The following VWA5B1 variants were observed in gnomAD, a reference collection of about 807,000 sequenced individuals.
VWA5B1 encodes von Willebrand factor A domain containing 5B1.
VWA5B1 carries 115 observed loss-of-function variants against 118.2 expected under a neutral mutation model. The ratio of observed to expected loss-of-function variants is 0.97; its 90% confidence interval spans 0.84 to 1.14. The LOEUF (loss-of-function observed/expected upper bound fraction) is 1.14. VWA5B1 is among the 50% of genes most tolerant of loss of function. The pLI, the probability that VWA5B1 is intolerant of heterozygous loss-of-function variation, is 0.00. For synonymous variants in VWA5B1, 682 were observed against 658.4 expected, an observed-to-expected ratio of 1.04 and a Z score of -0.55; for missense variants, 1,596 against 1,603.8, an observed-to-expected ratio of 1.00 and a Z score of 0.08.
chr1:20,305,261 A>T (rs2088615145), intron 1 of VWA5B1, among the ~76,000 whole-genome samples: 1 of 152,206 alleles, frequency 6.6e-6, no homozygotes. Flanking sequence ...GTGAAGTTCA[A>T]GGCATGGGAG....
At chr1:20,318,268 G>A (rs2089087435) in intron 5 of VWA5B1, among the ~76,000 whole-genome samples, 1 of 151,632 alleles carries the variant, frequency 6.6e-6, no homozygotes, top group Admixed American at 6.6e-5. Context: ...CGTCAAAAAA[G>A]CACCCTCCGA....
chr1:20,342,580 C>A lies in VWA5B1; in HGVS notation c.2282C>A (p.Thr761Asn), dbSNP rs1344221118. Residue 761 changes from threonine to asparagine, a missense_variant, in exon 15 of 22, where the codon ACT becomes AAT. Coordinates refer to ENST00000289815, the MANE Select transcript of VWA5B1 (RefSeq NM_001039500.3). ...TQAWSPVRER[T>N]SDSRSPGDLE... ...GCCTGGAGCCCTGTGAGAGAGCGGA[C>A]TTCTGACAGCCGAAGCCCTGGAGAT... The A allele has an allele frequency of 6.6e-7, 1 of 1,508,724 alleles. No homozygotes were observed. 93.5% of individuals were successfully genotyped at this position (1,508,724 alleles called of 1,614,324 possible).
chr1:20,342,129 C>CAAAAA (rs60635945), intron 14 of VWA5B1, among the ~76,000 whole-genome samples: 3 of 139,184 alleles, frequency 2.2e-5, no homozygotes, highest in South Asian at 2.3e-4. Context: ...AACTTTATGG[C>CAAAAA]AAAAAAAAAA....
intron 1 of VWA5B1, among the ~76,000 whole-genome samples, chr1:20,306,139 G>A (rs925973094): frequency 6.6e-6 from 1 of 152,096 alleles, no homozygotes; most frequent in African/African-American, 2.4e-5. Context: ...ACTCCAAACA[G>A]AGCAGGATGA....
chr1:20,302,517 G>A, intron 1 of VWA5B1, among the ~76,000 whole-genome samples: 1 of 152,364 alleles, frequency 6.6e-6, no homozygotes, highest in Middle Eastern at 3.4e-3. Flanking sequence ...GGGGCTAACT[G>A]CTCCTGGTTG....
intron 1 of VWA5B1, among the ~76,000 whole-genome samples, chr1:20,309,498 A>G (rs150514785): frequency 3.5e-4 from 53 of 152,300 alleles, no homozygotes; most frequent in African/African-American, 1.3e-3. Flanking sequence ...ACAGGGATGG[A>G]AGGAACAGGA....
intron 1 of VWA5B1, among the ~76,000 whole-genome samples, chr1:20,294,835 C>T (rs1042873317): frequency 7.9e-5 from 12 of 152,080 alleles, no homozygotes; most frequent in South Asian, 2.1e-4. Context: ...GTGATCTGCC[C>T]GCCTCAGCCT....
chr1:20,314,798 A>G (rs138368764), intron 4 of VWA5B1, among the ~76,000 whole-genome samples: 16 of 151,166 alleles, frequency 1.1e-4, no homozygotes, highest in African/African-American at 3.6e-4. Context: ...CTGTAATGGT[A>G]CTGGCCAGAA....
chr1:20,343,488 T>C, intron 16 of VWA5B1, 95 bp downstream of exon 16: 1 of 1,383,234 alleles, frequency 7.2e-7, no homozygotes, highest in Non-Finnish European at 9.3e-7. Context: ...CCCCCGGTGA[T>C]CCTCTCAGCC....
intron 21 of VWA5B1, among the ~76,000 whole-genome samples, chr1:20,353,186 G>A (rs753810031): frequency 1.3e-5 from 2 of 152,186 alleles, no homozygotes; most frequent in Admixed American, 1.3e-4. Flanking sequence ...GTTGGAGAGG[G>A]TAAGAGTCAA....
chr1:20,351,966 T>A (rs995064570), intron 20 of VWA5B1, 89 bp from the exon 21 acceptor site: 3 of 975,484 alleles, frequency 3.1e-6, no homozygotes, highest in Non-Finnish European at 4.6e-6. Context: ...GAGCCATCTA[T>A]TGCATTCCTT....
In VWA5B1 at chr1:20,310,626, A is replaced by G. The variant is rs1460818376; in HGVS notation, c.25A>G (p.Thr9Ala). Reference sequence around the variant, plus strand: ...GATGCCCGGCTTGCTGAATTGGATCACGGGGGCAGCCCTGCCCCTCACCGC... The same window carrying G: ...GATGCCCGGCTTGCTGAATTGGATCGCGGGGGCAGCCCTGCCCCTCACCGC... Reference protein sequence around the residue: MPGLLNWITGAALPLTASD... With the variant: MPGLLNWIAGAALPLTASD... Residue 9 changes from threonine to alanine, a missense_variant, in exon 2 of 22, where the codon ACG becomes GCG. Coordinates refer to ENST00000289815, the MANE Select transcript of VWA5B1 (RefSeq NM_001039500.3). 1.3e-6 allele frequency: 2 copies of G among 1,545,654 alleles called. No individual in the cohort carries two copies. Among genetic ancestry groups the G allele is most frequent in the East Asian group, 2.5e-5 (1 of 40,506 alleles).
At chr1:20,332,648 C>T (rs868492694) in intron 11 of VWA5B1, 118 bp from the exon 12 acceptor site, 1 of 1,106,718 alleles carries the variant, frequency 9.0e-7, no homozygotes, top group Middle Eastern at 2.0e-4. Context: ...CAAGTCACCA[C>T]AAGGCCTACT....
At position 20,354,014 on chromosome 1, in the gene VWA5B1, G is replaced by A. The variant is rs1557457016; in HGVS notation, c.3399G>A (p.Val1133=). 5 of 1,551,730 alleles carry A rather than the reference G, an allele frequency of 3.2e-6. No homozygotes were observed. The highest frequency in any genetic ancestry group is 4.4e-6 in the Non-Finnish European group (5 of 1,147,014). ...GKLGLEPRAV[V]EHTGKLWATV... ...TGGGCCTGGAGCCGAGGGCAGTGGT[G>A]GAGCACACTGGGAAGCTGTGGGCCA... is the stretch of plus-strand genomic sequence containing the variant. The change falls in exon 22 of 22, where the codon GTG becomes GTA. Residue 1133 remains valine (V), a synonymous_variant. Transcript: ENST00000289815.
At chr1:20,323,681 C>A in intron 8 of VWA5B1, 149 bp downstream of exon 8, 1 of 870,032 alleles carries the variant, frequency 1.1e-6, no homozygotes, top group Non-Finnish European at 1.6e-6. Context: ...CCATTTGCAT[C>A]CCCATAAAAA....
At chr1:20,291,542 T>C (rs1244134722) in intron 1 of VWA5B1, among the ~76,000 whole-genome samples, 1 of 151,860 alleles carries the variant, frequency 6.6e-6, no homozygotes, top group East Asian at 1.9e-4. Flanking sequence ...GCCTCCTTCC[T>C]CCCTCTCTCA....
intron 2 of VWA5B1, among the ~76,000 whole-genome samples, chr1:20,311,006 T>C (rs1328605496): frequency 6.6e-6 from 1 of 152,140 alleles, no homozygotes; most frequent in Non-Finnish European, 1.5e-5. Context: ...AGAGTCTCAT[T>C]CTGTCGCCCA....
At position 20,330,239 on chromosome 1, in the gene VWA5B1, C is replaced by G; in HGVS notation, c.1314C>G (p.Thr438=). The stretch of plus-strand genomic sequence containing the variant: ...GAATGAAGGCCGACATGGGTGGGAC[C>G]AACATCCTTTCCCCTCTCAAGTGGG... ...IQRMKADMGG[T]NILSPLKWVI... The change falls in exon 10 of 22, where the codon ACC becomes ACG. Residue 438 remains threonine (T), a synonymous_variant. Transcript: ENST00000289815. The G allele has an allele frequency of 6.4e-7, 1 of 1,551,738 alleles. No individual in the cohort carries two copies. Among genetic ancestry groups the G allele is most frequent in the Non-Finnish European group, 8.7e-7 (1 of 1,147,018 alleles).
rs2089990904 is a variant in VWA5B1, at chr1:20,345,597, A to G, written c.2764+4A>G. On this transcript the variant is annotated splice_donor_region_variant and intron_variant, in intron 17 of 21. Coordinates refer to ENST00000289815, the MANE Select transcript of VWA5B1 (RefSeq NM_001039500.3). ...GTGGTGGAGTACCCCAACTCTGGTA[A>G]GGCAGGCGAGCGGCCGGGGGCACTC... 6.5e-7 allele frequency: 1 copy of G among 1,542,654 alleles called. No individual in the cohort carries two copies. The highest frequency in any genetic ancestry group is 2.5e-5 in the East Asian group (1 of 40,738).
Sources: allele counts gnomAD v4.1 joint callset (sites outside exome capture counted in the v4.1 genomes callset), GRCh38; gene constraint gnomAD v4.1.1; transcripts MANE v1.5; gene names NCBI Gene and HGNC (gene_info 2026-07-23, HGNC 2026-07-21).